The following ATP9A variants were observed in gnomAD, a reference collection of about 807,000 sequenced individuals.
The protein encoded by ATP9A is ATPase phospholipid transporting 9A, also known as probable phospholipid-transporting ATPase IIA.
A neutral mutation model predicts 144.1 loss-of-function variants in ATP9A; 52 were observed. That is an observed-to-expected ratio of 0.36 (90% CI 0.29 to 0.45). ATP9A has a LOEUF of 0.45. Among genes scored for constraint, ATP9A ranks in the 20% least tolerant of loss-of-function variants. The pLI, the probability that ATP9A is intolerant of heterozygous loss-of-function variation, is 1.00. For missense variants in ATP9A, 947 were observed against 1,392.7 expected (o/e 0.68, Z 5.09); for synonymous variants, 582 against 557.4 (o/e 1.04, Z -0.62).
intron 4 of ATP9A, among the ~76,000 whole-genome samples, chr20:51,701,712 C>T (rs967005188): frequency 6.6e-6 from 1 of 152,198 alleles, no homozygotes; most frequent in Non-Finnish European, 1.5e-5. Context: ...GATTTTTAGC[C>T]ACGGTCATTC....
chr20:51,711,508 A>G (rs1416982300), intron 4 of ATP9A, among the ~76,000 whole-genome samples: 3 of 152,104 alleles, frequency 2.0e-5, no homozygotes, highest in Non-Finnish European at 2.9e-5. Flanking sequence ...CAAATTCTCA[A>G]TTTCCTGAAG....
intron 1 of ATP9A, 48 bp from the exon 2 acceptor site, chr20:51,730,026 C>T (rs1402772622): frequency 2.1e-6 from 3 of 1,449,010 alleles, no homozygotes; most frequent in South Asian, 1.5e-5. Flanking sequence ...CGCATCGAGG[C>T]TGTGCTCATG....
chr20:51,630,632 C>T lies in ATP9A; in HGVS notation c.1669-1560G>A, dbSNP rs73616811. Among the ~76,000 whole-genome samples the T allele has an allele frequency of 3.0e-3, 451 of 152,036 alleles. 10 individuals carry two copies. In the East Asian group the frequency reaches 0.069, roughly 23 times the overall value. ...TGGAGAATCACTTAAACCTGGGAGG[C>T]GGAGGTTGCAATGAGCTGAGATTGC... On this transcript the variant is annotated intron_variant, in intron 15 of 27. Transcript: ENST00000338821.
At chr20:51,723,329 A>G (rs989722853) in intron 3 of ATP9A, among the ~76,000 whole-genome samples, 2 of 152,034 alleles carry the variant, frequency 1.3e-5, no homozygotes, top group Non-Finnish European at 2.9e-5. Context: ...GAGTGTGCCA[A>G]AATCTCACAA....
chr20:51,737,857 T>C (rs1276379491), intron 1 of ATP9A, among the ~76,000 whole-genome samples: 1 of 152,052 alleles, frequency 6.6e-6, no homozygotes, highest in Non-Finnish European at 1.5e-5. Context: ...GTAAAATAAG[T>C]AAGCGAAAGA....
At chr20:51,711,293 C>G (rs183569759) in intron 4 of ATP9A, among the ~76,000 whole-genome samples, 2 of 152,284 alleles carry the variant, frequency 1.3e-5, no homozygotes, top group South Asian at 2.1e-4. Context: ...TATTTTCATA[C>G]CCTTGGGAAA....
At chr20:51,700,334 A>G (rs2426379) in intron 4 of ATP9A, among the ~76,000 whole-genome samples, 18,273 of 152,142 alleles carry the variant, frequency 0.12, 1,171 homozygotes, top group South Asian at 0.19. Flanking sequence ...CAGCCTAGGC[A>G]ACATAGCAAG....
chr20:51,733,162 A>G (rs944938001), intron 1 of ATP9A, among the ~76,000 whole-genome samples: 2 of 152,198 alleles, frequency 1.3e-5, no homozygotes, highest in Non-Finnish European at 2.9e-5. Context: ...ACCTTTGTGC[A>G]TATGCACAAA....
chr20:51,643,955 G>GC (rs1415594838), intron 14 of ATP9A, among the ~76,000 whole-genome samples: 1 of 152,022 alleles, frequency 6.6e-6, no homozygotes, highest in East Asian at 1.9e-4. Flanking sequence ...GGTCAACATA[G>GC]CGAAACCCCA....
chr20:51,734,267 G>A (rs1480141919), intron 1 of ATP9A, among the ~76,000 whole-genome samples: 1 of 152,058 alleles, frequency 6.6e-6, no homozygotes, highest in Non-Finnish European at 1.5e-5. Context: ...ACAGGTGTGA[G>A]CCACCCCACT....
At chr20:51,627,034 G>A (rs1205207263) in intron 17 of ATP9A, among the ~76,000 whole-genome samples, 2 of 147,320 alleles carry the variant, frequency 1.4e-5, no homozygotes, top group Admixed American at 1.4e-4. Context: ...TCCAGCCTGG[G>A]CGACAAGAGC....
At chr20:51,619,547 G>C (rs1385810630) in intron 19 of ATP9A, among the ~76,000 whole-genome samples, 21 of 116,408 alleles carry the variant, frequency 1.8e-4, no homozygotes, top group African/African-American at 7.0e-4. Context: ...ATGGGCAACA[G>C]AGCAAGACTC....
chr20:51,669,792 G>A (rs1181779438), intron 13 of ATP9A, among the ~76,000 whole-genome samples: 1 of 152,090 alleles, frequency 6.6e-6, no homozygotes, highest in African/African-American at 2.4e-5. Context: ...GGGAGTGACT[G>A]CTGATGGGTA....
Position 51,617,668 on chromosome 20 carries a change from C to T in ATP9A, c.2351-114G>A. 4 of 1,117,168 alleles carry T rather than the reference C, an allele frequency of 3.6e-6. No homozygotes were observed. The South Asian group carries it at 4.1e-5, about 11-fold the overall frequency. 69.2% of individuals were successfully genotyped at this position (1,117,168 alleles called of 1,614,324 possible). ...CACGGAGCGCTTGCTGAGTGCCTGG[C>T]CTGCCCCGTCCATTCCATCTCTCCA... On this transcript the variant is annotated intron_variant, in intron 21 of 27. Transcript: ENST00000338821.
intron 27 of ATP9A, among the ~76,000 whole-genome samples, chr20:51,604,201 G>A (rs1185354332): frequency 2.0e-5 from 3 of 152,000 alleles, no homozygotes; most frequent in African/African-American, 7.3e-5. Flanking sequence ...TGTGTTTATC[G>A]TGTGTTCCCA....
At chr20:51,741,533 C>T (rs1304317984) in intron 1 of ATP9A, among the ~76,000 whole-genome samples, 1 of 152,108 alleles carries the variant, frequency 6.6e-6, no homozygotes, top group Non-Finnish European at 1.5e-5. Context: ...GCCGAGATCA[C>T]ACCATTGCAC....
At chr20:51,699,622 T>A (rs2077585165) in intron 4 of ATP9A, among the ~76,000 whole-genome samples, 1 of 152,126 alleles carries the variant, frequency 6.6e-6, no homozygotes, top group Non-Finnish European at 1.5e-5. Context: ...AGGTCTGATA[T>A]AAACACTACT....
chr20:51,716,646 A>C (rs2092151580), intron 3 of ATP9A, among the ~76,000 whole-genome samples: 1 of 152,050 alleles, frequency 6.6e-6, no homozygotes, highest in African/African-American at 2.4e-5. Flanking sequence ...ACAGAATGAG[A>C]CTCTGTCTCA....
intron 13 of ATP9A, among the ~76,000 whole-genome samples, chr20:51,659,311 C>T (rs761102294): frequency 1.3e-5 from 2 of 152,204 alleles, no homozygotes; most frequent in Non-Finnish European, 2.9e-5. Context: ...CTCATTAGAC[C>T]ATAGAAACAG....
Sources: allele counts gnomAD v4.1 joint callset (sites outside exome capture counted in the v4.1 genomes callset), GRCh38; gene constraint gnomAD v4.1.1; transcripts MANE v1.5; gene names NCBI Gene and HGNC (gene_info 2026-07-23, HGNC 2026-07-21).